The following ABCA13 variants were observed in gnomAD, a reference collection of about 807,000 sequenced individuals.
ABCA13 encodes ATP-binding cassette sub-family A member 13.
A neutral mutation model predicts 478.7 loss-of-function variants in ABCA13; 476 were observed. That is an observed-to-expected ratio of 0.99 (90% CI 0.92 to 1.07). The LOEUF (loss-of-function observed/expected upper bound fraction) is 1.07, where lower values mean the gene tolerates loss of function less well. Among genes scored for constraint, ABCA13 ranks in the 50% least tolerant of loss-of-function variants. The pLI, the probability that ABCA13 is intolerant of heterozygous loss-of-function variation, is 0.00. For synonymous variants in ABCA13, 2,252 were observed against 2,158.9 expected (o/e 1.04, Z -1.20); for missense variants, 6,060 against 5,910.6 (o/e 1.03, Z -0.83).
At chr7:48,399,733 G>C (rs1336170201) in intron 38 of ABCA13, among the ~76,000 whole-genome samples, 1 of 152,118 alleles carries the variant, frequency 6.6e-6, no homozygotes, top group Non-Finnish European at 1.5e-5. Flanking sequence ...GATGACAACA[G>C]CAATGACAAC....
chr7:48,425,583 A>G (rs937591217), intron 41 of ABCA13, among the ~76,000 whole-genome samples: 2 of 152,176 alleles, frequency 1.3e-5, no homozygotes, highest in African/African-American at 2.4e-5. Flanking sequence ...TACATGATGA[A>G]ACATAGCACA....
At chr7:48,430,401 C>A (rs747637469) in intron 42 of ABCA13, among the ~76,000 whole-genome samples, 1 of 151,896 alleles carries the variant, frequency 6.6e-6, no homozygotes, top group Non-Finnish European at 1.5e-5. Context: ...GTTTGTCAGG[C>A]GTGGTGGCTC....
At chr7:48,348,359 C>G (rs1376231238) in intron 29 of ABCA13, among the ~76,000 whole-genome samples, 1 of 152,214 alleles carries the variant, frequency 6.6e-6, no homozygotes, top group Non-Finnish European at 1.5e-5. Context: ...ATTGTGTCAT[C>G]CAAACAGCCA....
At chr7:48,411,690 G>A (rs1386739527) in intron 40 of ABCA13, among the ~76,000 whole-genome samples, 1 of 152,170 alleles carries the variant, frequency 6.6e-6, no homozygotes, top group Non-Finnish European at 1.5e-5. Flanking sequence ...AGGGTATAGA[G>A]CAAGTGGAGT....
chr7:48,219,377 C>T lies in ABCA13; in HGVS notation c.311C>T (p.Ala104Val), dbSNP rs1180501933. The T allele has an allele frequency of 6.2e-7, 1 of 1,611,992 alleles. No individual in the cohort carries two copies. Among genetic ancestry groups the T allele is most frequent in the Middle Eastern group, 1.7e-4 (1 of 6,052 alleles). The change falls in exon 4 of 62, where the codon GCT (alanine) becomes GTT (valine). Residue 104 changes from alanine (A) to valine (V), a missense_variant. Around this residue, in one of 3 missense-constraint regions of ABCA13, gnomAD observed 4,423 missense variants for 4,309.1 expected, o/e 1.03. Transcript: ENST00000435803. ...AGTTTGTCTAGGTTCCAAACTGCAG[C>T]TGACCCCAAGAAAGTCAACAACCTG... ...HFRLSRFQTAADPKKVNNLAF... is the reference protein window; with the variant it reads ...HFRLSRFQTAVDPKKVNNLAF...
At chr7:48,285,886 T>C (rs944703926) in intron 19 of ABCA13, among the ~76,000 whole-genome samples, 2 of 152,196 alleles carry the variant, frequency 1.3e-5, no homozygotes, top group Non-Finnish European at 1.5e-5. Flanking sequence ...ACAATAAAGA[T>C]ACCTGTCTTT....
chr7:48,563,226 A>G (rs1385232654), intron 55 of ABCA13, among the ~76,000 whole-genome samples: 1 of 152,080 alleles, frequency 6.6e-6, no homozygotes, highest in Non-Finnish European at 1.5e-5. Flanking sequence ...TGTACCTTCT[A>G]TGTGTAGATT....
At position 48,412,904 on chromosome 7, in the gene ABCA13, C is replaced by T. The variant is rs112407285; in HGVS notation, c.12459+321C>T. ...TCGGCTCACTGCAAGCTCTGCCTCC[C>T]GGGTTCACGCCAGTCTCCTGCCTCA... On this transcript the variant is annotated intron_variant, in intron 41 of 61. Coordinates refer to ENST00000435803, the MANE Select transcript of ABCA13 (RefSeq NM_152701.5). Among the ~76,000 whole-genome samples, 150 of 151,492 alleles carry T rather than the reference C, an allele frequency of 9.9e-4. 3 individuals are homozygous for T. Among genetic ancestry groups the T allele is most frequent in the African/African-American group, 3.4e-3 (139 of 41,242 alleles).
intron 27 of ABCA13, among the ~76,000 whole-genome samples, chr7:48,323,158 A>G (rs749296421): frequency 1.3e-5 from 2 of 152,102 alleles, no homozygotes; most frequent in Non-Finnish European, 2.9e-5. Context: ...CCTTGCTTTT[A>G]TCACTACTTG....
Position 48,310,376 on chromosome 7 carries a change from G to A in ABCA13, c.9516+235G>A, listed in dbSNP as rs574123830. On this transcript the variant is annotated intron_variant, in intron 24 of 61. Transcript: ENST00000435803. ...CCCTTCAGGGGGTCCTTGGAAATAA[G>A]TGTCAGGGCATTGGGACAGAGTTGG... Among the ~76,000 whole-genome samples, 212 of 152,302 alleles carry A rather than the reference G, an allele frequency of 1.4e-3. 2 individuals carry two copies. The highest frequency in any genetic ancestry group is 1.2e-3 in the Non-Finnish European group (83 of 68,028).
At chr7:48,263,907 A>G (rs1404321882) in intron 15 of ABCA13, among the ~76,000 whole-genome samples, 1 of 151,840 alleles carries the variant, frequency 6.6e-6, no homozygotes, top group Non-Finnish European at 1.5e-5. Context: ...AAGACAGTGA[A>G]AGTCTTCATC....
chr7:48,537,357 G>C (rs1450916147), intron 55 of ABCA13, among the ~76,000 whole-genome samples: 1 of 152,102 alleles, frequency 6.6e-6, no homozygotes, highest in African/African-American at 2.4e-5. Context: ...TAGTATTGTT[G>C]TTATTCTCTA....
intron 56 of ABCA13, among the ~76,000 whole-genome samples, chr7:48,586,204 G>T (rs2131389527): frequency 6.6e-6 from 1 of 152,206 alleles, no homozygotes; most frequent in South Asian, 2.1e-4. Context: ...GGTGAGGTTT[G>T]ACAAATGCTG....
intron 55 of ABCA13, among the ~76,000 whole-genome samples, chr7:48,532,696 A>G (rs971779627): frequency 1.3e-5 from 2 of 151,922 alleles, no homozygotes; most frequent in Non-Finnish European, 2.9e-5. Flanking sequence ...TTATTGGTCT[A>G]TTCAGAGTTT....
intron 56 of ABCA13, among the ~76,000 whole-genome samples, chr7:48,582,963 G>A (rs1788845402): frequency 1.3e-5 from 2 of 152,068 alleles, no homozygotes; most frequent in Admixed American, 6.6e-5. Context: ...AAGAGATGAG[G>A]GCTACATAGT....
chr7:48,349,133 C>G (rs188917600), intron 29 of ABCA13, among the ~76,000 whole-genome samples: 1 of 152,302 alleles, frequency 6.6e-6, no homozygotes, highest in East Asian at 1.9e-4. Context: ...AGAATTGTAC[C>G]TGGCACAAGA....
intron 41 of ABCA13, among the ~76,000 whole-genome samples, chr7:48,414,447 T>G (rs1253716651): frequency 1.3e-5 from 2 of 151,944 alleles, no homozygotes; most frequent in Non-Finnish European, 2.9e-5. Flanking sequence ...TTAATAAATA[T>G]TTTCTAAGTG....
In ABCA13 at chr7:48,313,213, A is replaced by G. The variant is rs1435396361; in HGVS notation, c.9663A>G (p.Glu3221=). ...LHTFKITALL[E]TLDFQQVSQN... The stretch of plus-strand genomic sequence containing the variant: ...CATTTAAAATCACTGCCTTGCTAGA[A>G]ACCCTGGACTTTCAACAGGTGTGTG... The change falls in exon 25 of 62, where the codon GAA becomes GAG. Residue 3221 remains glutamate, a synonymous_variant. Coordinates refer to ENST00000435803, the MANE Select transcript of ABCA13 (RefSeq NM_152701.5). The G allele has an allele frequency of 6.2e-7, 1 of 1,611,328 alleles. No individual in the cohort carries two copies. The highest frequency in any genetic ancestry group is 1.7e-5 in the Admixed American group (1 of 59,658).
intron 55 of ABCA13, among the ~76,000 whole-genome samples, chr7:48,556,451 C>G (rs778441673): frequency 1.3e-5 from 2 of 151,938 alleles, no homozygotes; most frequent in Non-Finnish European, 2.9e-5. Flanking sequence ...CTCTTTATCT[C>G]TCATAATATT....
Sources: gnomAD v4.1 joint callset for allele counts (sites outside exome capture counted in the v4.1 genomes callset) on GRCh38, gnomAD v4.1.1 for gene constraint, gnomAD v4.1.1 regional missense constraint, MANE v1.5 for transcripts, NCBI Gene and HGNC (gene_info 2026-07-23, HGNC 2026-07-21) for gene names.